TGFBR3: variants seen among roughly 807,000 people sequenced by gnomAD.
TGFBR3 encodes transforming growth factor beta receptor 3.
A neutral mutation model predicts 87.9 loss-of-function variants in TGFBR3; 46 were observed. The observed-to-expected ratio is 0.52, with a 90% CI of 0.41 to 0.67. The LOEUF is 0.67. TGFBR3 is among the 30% of genes least tolerant of loss of function. The pLI is 0.00. For synonymous variants in TGFBR3, 381 were observed against 391.6 expected (o/e 0.97, Z 0.32); for missense variants, 866 against 1,041.9 (o/e 0.83, Z 2.32).
chr1:91,711,188 C>T (rs544243876), intron 13 of TGFBR3, among the ~76,000 whole-genome samples: 20 of 152,324 alleles, frequency 1.3e-4, no homozygotes, highest in African/African-American at 4.1e-4. Flanking sequence ...AAGGCATCAC[C>T]GCCGCAAAAG....
At chr1:91,855,323 C>A (rs1364783707) in intron 2 of TGFBR3, among the ~76,000 whole-genome samples, 1 of 152,192 alleles carries the variant, frequency 6.6e-6, no homozygotes, top group Non-Finnish European at 1.5e-5. Flanking sequence ...TGCCAGCAGC[C>A]CTGCTCCAGA....
At chr1:91,827,973 T>C (rs1485379618) in intron 2 of TGFBR3, among the ~76,000 whole-genome samples, 3 of 152,202 alleles carry the variant, frequency 2.0e-5, no homozygotes, top group Non-Finnish European at 4.4e-5. Context: ...TGGGTAACTA[T>C]GAATGGATGC....
intron 2 of TGFBR3, 67 bp from the exon 3 acceptor site, chr1:91,797,538 G>A: frequency 2.5e-6 from 4 of 1,576,768 alleles, no homozygotes; most frequent in Middle Eastern, 1.7e-4. Context: ...AAGGGGCAAG[G>A]GTGATCAAAC....
intron 3 of TGFBR3, among the ~76,000 whole-genome samples, chr1:91,759,383 CAAAA>C (rs35600646): frequency 2.4e-5 from 2 of 84,706 alleles, no homozygotes; most frequent in Admixed American, 1.3e-4. Context: ...CAGCCCCTGT[CAAAA>C]AAAAAAAAAA....
chr1:91,865,798 G>A (rs993773814), intron 1 of TGFBR3, among the ~76,000 whole-genome samples: 3 of 151,940 alleles, frequency 2.0e-5, no homozygotes, highest in African/African-American at 7.3e-5. Context: ...TGTAGTCCCA[G>A]CTACTCGGGA....
At chr1:91,883,221 G>A (rs936980014) in intron 1 of TGFBR3, among the ~76,000 whole-genome samples, 2 of 152,012 alleles carry the variant, frequency 1.3e-5, no homozygotes, top group Non-Finnish European at 2.9e-5. Flanking sequence ...ACCCAGGCTG[G>A]TCTCGAACTC....
chr1:91,805,816 T>C (rs1675807387), intron 2 of TGFBR3, among the ~76,000 whole-genome samples: 1 of 152,132 alleles, frequency 6.6e-6, no homozygotes, highest in South Asian at 2.1e-4. Context: ...ACAGTGTTAA[T>C]GCCCTCATTT....
intron 1 of TGFBR3, among the ~76,000 whole-genome samples, chr1:91,875,380 C>T (rs966394510): frequency 3.0e-4 from 46 of 151,948 alleles, no homozygotes; most frequent in African/African-American, 9.9e-4. Context: ...TGGACTGTAA[C>T]AGAAAAATCT....
At chr1:91,730,122 C>T (rs1187958011) in intron 5 of TGFBR3, 149 bp from the exon 6 acceptor site, 4 of 886,488 alleles carry the variant, frequency 4.5e-6, no homozygotes, top group African/African-American at 3.3e-5. Context: ...AGTCCGCAAC[C>T]ACTGCCCTGA....
chr1:91,839,764 A>G (rs1362756906), intron 2 of TGFBR3, among the ~76,000 whole-genome samples: 3 of 152,224 alleles, frequency 2.0e-5, no homozygotes, highest in Non-Finnish European at 4.4e-5. Flanking sequence ...ACTAAATGCA[A>G]TGTGAGATCC....
chr1:91,797,949 G>A (rs1223660031), intron 2 of TGFBR3, among the ~76,000 whole-genome samples: 2 of 152,182 alleles, frequency 1.3e-5, no homozygotes, highest in African/African-American at 4.8e-5. Flanking sequence ...AGAGCAAGAT[G>A]TAACATGTAG....
rs537174964 is a variant in TGFBR3 at position 91,828,301 on chromosome 1, C to T, written c.62-30830G>A. Among the ~76,000 whole-genome samples, 58 of 152,280 alleles carry T rather than the reference C, an allele frequency of 3.8e-4. No homozygotes were observed. The South Asian group carries it at 0.01, about 27-fold the overall frequency. ...TCCTCTTCCCCTAACTCCACACCCC[C>T]GTCAATATTTTGGCTTCATTAACTA... On this transcript the variant is annotated intron_variant, in intron 2 of 16. Coordinates refer to ENST00000212355, the MANE Select transcript of TGFBR3 (RefSeq NM_003243.5).
Position 91,716,660 on chromosome 1 carries a change from C to A in TGFBR3, c.1615G>T (p.Gly539Cys), listed in dbSNP as rs1344612920. The change falls in exon 11 of 17, where the codon GGT becomes TGT. Residue 539 changes from glycine to cysteine, a missense_variant. Transcript: ENST00000212355. ...TCACCTGACTCCAGATCTTCATAACCATCTGGCCAACCACTACTGTCCCCA... is the reference window on the plus strand; with the variant it reads ...TCACCTGACTCCAGATCTTCATAACAATCTGGCCAACCACTACTGTCCCCA... ...ALGDSSGWPD[G>C]YEDLESGDNG... 3 of 1,613,974 alleles carry A rather than the reference C, an allele frequency of 1.9e-6. No individual in the cohort carries two copies. In the African/African-American group the frequency reaches 4.0e-5, roughly 22 times the overall value.
intron 16 of TGFBR3, among the ~76,000 whole-genome samples, chr1:91,694,755 C>T (rs1056037545): frequency 1.3e-5 from 2 of 152,156 alleles, no homozygotes; most frequent in African/African-American, 2.4e-5. Context: ...TTGCCTCTGA[C>T]GGATCAATCT....
chr1:91,839,330 C>A (rs1358319071), intron 2 of TGFBR3, among the ~76,000 whole-genome samples: 2 of 152,128 alleles, frequency 1.3e-5, no homozygotes, highest in African/African-American at 4.8e-5. Flanking sequence ...TACTATTACA[C>A]CTAAACTCAA....
intron 2 of TGFBR3, among the ~76,000 whole-genome samples, chr1:91,842,864 C>T (rs1334935690): frequency 6.6e-6 from 1 of 152,116 alleles, no homozygotes; most frequent in Non-Finnish European, 1.5e-5. Context: ...CTGCAAACCA[C>T]AAAACTGGGA....
chr1:91,880,801 C>T (rs17881743), intron 1 of TGFBR3, among the ~76,000 whole-genome samples: 2,477 of 151,008 alleles, frequency 0.016, 37 homozygotes, highest in Middle Eastern at 0.027. Flanking sequence ...ATCACTTGAG[C>T]CCAGGAGTTC....
At chr1:91,800,251 T>TAC (rs1557717227) in intron 2 of TGFBR3, among the ~76,000 whole-genome samples, 1 of 136,844 alleles carries the variant, frequency 7.3e-6, no homozygotes, top group African/African-American at 3.0e-5. Context: ...AATATATATA[T>TAC]ATATACACAC....
intron 4 of TGFBR3, among the ~76,000 whole-genome samples, chr1:91,753,390 CAAAAAAAAAAA>C (rs71586711): frequency 1.1e-4 from 6 of 52,352 alleles, no homozygotes; most frequent in South Asian, 9.4e-4. Context: ...ACTCTGTCCT[CAAAAAAAAAAA>C]AAAAAAAAAA....
Sources: allele counts gnomAD v4.1 joint callset (sites outside exome capture counted in the v4.1 genomes callset), GRCh38; gene constraint gnomAD v4.1.1; transcripts MANE v1.5; gene names NCBI Gene and HGNC (gene_info 2026-07-23, HGNC 2026-07-21).